The following NCALD variants were observed in gnomAD, a reference collection of about 807,000 sequenced individuals.
The protein encoded by NCALD is neurocalcin delta.
In NCALD, 10 loss-of-function variants were observed where a neutral mutation model predicts 18.6. The ratio of observed to expected loss-of-function variants is 0.54; its 90% CI spans 0.33 to 0.91. The LOEUF (loss-of-function observed/expected upper bound fraction) is 0.91, where lower values mean the gene tolerates loss of function less well. Among genes scored for constraint, NCALD ranks in the 40% least tolerant of loss-of-function variants. The pLI is 0.03. For missense variants in NCALD, 184 were observed against 247.6 expected (o/e 0.74, Z 1.72); for synonymous variants, 88 against 87.4 (o/e 1.01, Z -0.04).
intron 2 of NCALD, among the ~76,000 whole-genome samples, chr8:101,958,284 A>C (rs1427035765): frequency 6.6e-6 from 1 of 152,194 alleles, no homozygotes; most frequent in South Asian, 2.1e-4. Flanking sequence ...TAGTTGGCCA[A>C]GGATGGACCA....
At chr8:102,025,238 C>T (rs984428570) in intron 1 of NCALD, among the ~76,000 whole-genome samples, 4 of 152,192 alleles carry the variant, frequency 2.6e-5, no homozygotes, top group Non-Finnish European at 1.5e-5. Flanking sequence ...CATTATTTGG[C>T]TTAAGGTCAA....
At chr8:102,063,280 G>A (rs758802939) in intron 1 of NCALD, among the ~76,000 whole-genome samples, 17 of 152,060 alleles carry the variant, frequency 1.1e-4, no homozygotes, top group South Asian at 2.1e-4. Flanking sequence ...CCCATTTCCC[G>A]AACATTTTTC....
intron 4 of NCALD, among the ~76,000 whole-genome samples, chr8:101,820,821 CA>C (rs1350893219): frequency 6.6e-6 from 1 of 152,146 alleles, no homozygotes; most frequent in African/African-American, 2.4e-5. Context: ...TGGAAATATG[CA>C]GGCAATATTT....
intron 2 of NCALD, among the ~76,000 whole-genome samples, chr8:101,706,041 T>C (rs1253435614): frequency 6.6e-6 from 1 of 152,042 alleles, no homozygotes; most frequent in African/African-American, 2.4e-5. Context: ...TTTAGGAGAG[T>C]AAAGGCCTCT....
intron 2 of NCALD, among the ~76,000 whole-genome samples, chr8:101,963,614 C>T (rs893784510): frequency 6.6e-6 from 1 of 152,152 alleles, no homozygotes; most frequent in African/African-American, 2.4e-5. Flanking sequence ...TCTACCTTTT[C>T]CTGAAACTTG....
chr8:101,724,925 A>G lies in NCALD; in HGVS notation c.-19-5277T>C, dbSNP rs536972204. Among the ~76,000 whole-genome samples, 27 of 152,338 alleles carry G rather than the reference A, an allele frequency of 1.8e-4. 1 individual carries two copies. The highest frequency in any genetic ancestry group is 6.3e-4 in the African/African-American group (26 of 41,592). On this transcript the variant is annotated intron_variant, in intron 1 of 3. Coordinates refer to ENST00000220931, the MANE Select transcript of NCALD (RefSeq NM_032041.3). ...AAGTCAGAAAGAAGTAGTGAAGAAGAAGGAGACAACCTCCTTTTGGAACTC... is the reference window on the plus strand; with the variant it reads ...AAGTCAGAAAGAAGTAGTGAAGAAGGAGGAGACAACCTCCTTTTGGAACTC...
chr8:101,899,992 T>C (rs1463577711), intron 3 of NCALD, among the ~76,000 whole-genome samples: 3 of 151,940 alleles, frequency 2.0e-5, no homozygotes, highest in African/African-American at 7.2e-5. Flanking sequence ...AGAAACCATC[T>C]GGACCTGGAA....
At chr8:101,820,138 T>C (rs1813661617) in intron 4 of NCALD, among the ~76,000 whole-genome samples, 1 of 152,230 alleles carries the variant, frequency 6.6e-6, no homozygotes, top group South Asian at 2.1e-4. Flanking sequence ...GAGTTGGCTG[T>C]CTGGAAGACA....
At chr8:101,831,699 C>T (rs1317903069) in intron 4 of NCALD, among the ~76,000 whole-genome samples, 1 of 152,104 alleles carries the variant, frequency 6.6e-6, no homozygotes. Flanking sequence ...TTCCTGTGCC[C>T]CCAGCATCTT....
chr8:102,002,271 A>C (rs955076257), intron 2 of NCALD, among the ~76,000 whole-genome samples: 1 of 152,208 alleles, frequency 6.6e-6, no homozygotes, highest in African/African-American at 2.4e-5. Context: ...AGATCAAAAG[A>C]GACAAAGAAG....
intron 1 of NCALD, among the ~76,000 whole-genome samples, chr8:102,064,351 C>T (rs1369922037): frequency 2.6e-5 from 4 of 152,132 alleles, no homozygotes; most frequent in East Asian, 3.9e-4. Context: ...GATGCTTGTA[C>T]GAGTCAGGTA....
intron 1 of NCALD, among the ~76,000 whole-genome samples, chr8:102,121,521 C>G (rs1349791401): frequency 6.6e-6 from 1 of 152,160 alleles, no homozygotes; most frequent in Non-Finnish European, 1.5e-5. Context: ...AATTCACATT[C>G]TGAGGGATGC....
At chr8:101,815,643 A>T (rs2131162539) in intron 4 of NCALD, among the ~76,000 whole-genome samples, 1 of 152,308 alleles carries the variant, frequency 6.6e-6, no homozygotes, top group South Asian at 2.1e-4. Context: ...GAACACTGAC[A>T]TCACCAAGTG....
chr8:101,792,578 C>T (rs1354926349), upstream of NCALD, among the ~76,000 whole-genome samples: 1 of 152,170 alleles, frequency 6.6e-6, no homozygotes, highest in Non-Finnish European at 1.5e-5. Context: ...CTACCTAAAG[C>T]CTCACTAGGG....
intron 4 of NCALD, among the ~76,000 whole-genome samples, chr8:101,864,841 C>A (rs1166734243): frequency 6.6e-6 from 1 of 152,082 alleles, no homozygotes; most frequent in Non-Finnish European, 1.5e-5. Flanking sequence ...GGTGATCCGC[C>A]CATCTCAGCC....
intron 1 of NCALD, among the ~76,000 whole-genome samples, chr8:101,736,105 C>A (rs1414645046): frequency 1.3e-5 from 2 of 152,164 alleles, no homozygotes; most frequent in Non-Finnish European, 2.9e-5. Flanking sequence ...TATGCAGGAG[C>A]CCTCATTCTG....
chr8:101,992,201 G>A (rs963148314), intron 2 of NCALD, among the ~76,000 whole-genome samples: 1 of 152,146 alleles, frequency 6.6e-6, no homozygotes. Flanking sequence ...CTACTCAAAT[G>A]TCCGGTGGGC....
At chr8:102,065,636 G>T (rs1031314965) in intron 1 of NCALD, among the ~76,000 whole-genome samples, 5 of 152,120 alleles carry the variant, frequency 3.3e-5, no homozygotes, top group Non-Finnish European at 5.9e-5. Context: ...ACAGGAATTT[G>T]CTATTGGAGG....
chr8:102,010,963 TA>T (rs1821884199), intron 2 of NCALD, among the ~76,000 whole-genome samples: 1 of 152,200 alleles, frequency 6.6e-6, no homozygotes. Flanking sequence ...ATCCCATGAA[TA>T]AGCTGTGAAT....
Sources: allele counts gnomAD v4.1 joint callset (sites outside exome capture counted in the v4.1 genomes callset), GRCh38; gene constraint gnomAD v4.1.1; transcripts MANE v1.5; gene names NCBI Gene and HGNC (gene_info 2026-07-23, HGNC 2026-07-21).